SRGAP1: variants seen among roughly 807,000 people sequenced by gnomAD.
The protein encoded by SRGAP1 is SLIT-ROBO Rho GTPase-activating protein 1.
Under a neutral mutation model 121.9 loss-of-function variants are expected in SRGAP1, and 43 were observed. The ratio of observed to expected loss-of-function variants is 0.35; its 90% CI spans 0.28 to 0.46. SRGAP1 has a LOEUF of 0.46. Ranked by LOEUF, SRGAP1 falls within the 20% of genes least tolerant of loss-of-function variation. The pLI is 1.00. For synonymous variants in SRGAP1, 447 were observed against 485.4 expected, an observed-to-expected ratio of 0.92 and a Z score of 1.04; for missense variants, 1,102 against 1,350.9, an observed-to-expected ratio of 0.82 and a Z score of 2.89.
intron 4 of SRGAP1, among the ~76,000 whole-genome samples, chr12:64,019,879 G>C (rs2034501042): frequency 6.6e-6 from 1 of 152,128 alleles, no homozygotes; most frequent in African/African-American, 2.4e-5. Context: ...GAAGTAACAG[G>C]CATAAAATAC....
chr12:64,024,016 G>C (rs2034602946), intron 4 of SRGAP1, among the ~76,000 whole-genome samples: 1 of 152,204 alleles, frequency 6.6e-6, no homozygotes, highest in African/African-American at 2.4e-5. Context: ...TGAGCTAAAA[G>C]AATCAGTAAA....
intron 6 of SRGAP1, among the ~76,000 whole-genome samples, chr12:64,049,438 A>T (rs2035195691): frequency 6.6e-6 from 1 of 152,226 alleles, no homozygotes; most frequent in Admixed American, 6.5e-5. Context: ...TTCACATGGC[A>T]GCACGAAAGA....
rs2037049871 is a variant in SRGAP1, at chr12:64,146,278, A to G, written c.*3606A>G. On this transcript the variant is annotated 3_prime_UTR_variant, in exon 22 of 22. Coordinates refer to ENST00000355086, the MANE Select transcript of SRGAP1 (RefSeq NM_020762.4). The stretch of plus-strand genomic sequence containing the variant: ...GAATAATTTATAGCAGGGTCCCACA[A>G]TCTACTGCAATGATCGTGAACAGTT... The G allele has an allele frequency of 6.6e-6, 1 of 152,154 alleles. No individual in the cohort carries two copies. Among genetic ancestry groups the G allele is most frequent in the Non-Finnish European group, 1.5e-5 (1 of 68,036 alleles). 9.4% of individuals were successfully genotyped at this position (152,154 alleles called of 1,614,324 possible).
Position 64,147,556 on chromosome 12 carries a change from C to T in SRGAP1, c.*4884C>T. On this transcript the variant is annotated 3_prime_UTR_variant, in exon 22 of 22. Transcript: ENST00000355086. ...CTTTCTCACCCCTGTGTCCTCCCAT[C>T]CCACCGCATCAGTCCCCCGCTCATG... The T allele has an allele frequency of 2.5e-6, 1 of 399,026 alleles. No homozygotes were observed. Among genetic ancestry groups the T allele is most frequent in the Non-Finnish European group, 4.4e-6 (1 of 226,352 alleles). The allele number at this position is 399,026 out of a possible 1,614,324, so 24.7% of individuals were successfully genotyped here.
intron 4 of SRGAP1, among the ~76,000 whole-genome samples, chr12:64,018,610 T>C (rs1254348814): frequency 6.6e-6 from 1 of 152,254 alleles, no homozygotes; most frequent in East Asian, 1.9e-4. Flanking sequence ...ATGTGTGTGA[T>C]AAATCTATTT....
At chr12:63,924,586 G>T (rs1465359139) in intron 1 of SRGAP1, among the ~76,000 whole-genome samples, 1 of 152,186 alleles carries the variant, frequency 6.6e-6, no homozygotes, top group Non-Finnish European at 1.5e-5. Context: ...ACAATAAAAA[G>T]AATACAGGAA....
chr12:63,880,871 T>C (rs73126646), intron 1 of SRGAP1, among the ~76,000 whole-genome samples: 7,322 of 152,292 alleles, frequency 0.048, 273 homozygotes, highest in Middle Eastern at 0.14. Context: ...GAAAATGTAC[T>C]GATGTGTGAA....
rs962432559 is a variant in SRGAP1, at chr12:64,041,489, A to G, written c.490-1301A>G. On this transcript the variant is annotated intron_variant, in intron 4 of 21. Transcript: ENST00000355086. ...CACTTCCACCTCCCGGGCTCAACCA[A>G]TCCCCTCGCCCCAGCCTCCCAAGTA... 1.8e-4 allele frequency among the ~76,000 whole-genome samples: 27 copies of G among 151,858 alleles called. 1 individual carries two copies. Among genetic ancestry groups the G allele is most frequent in the African/African-American group, 5.6e-4 (23 of 41,430 alleles).
intron 1 of SRGAP1, among the ~76,000 whole-genome samples, chr12:63,959,639 A>G (rs1451534275): frequency 1.3e-5 from 2 of 152,028 alleles, no homozygotes; most frequent in Non-Finnish European, 2.9e-5. Flanking sequence ...AATAAACAGT[A>G]TGTTTTTCTG....
At chr12:63,968,976 G>A (rs1592991607) in intron 1 of SRGAP1, among the ~76,000 whole-genome samples, 1 of 152,132 alleles carries the variant, frequency 6.6e-6, no homozygotes, top group East Asian at 1.9e-4. Context: ...CCTGTGAGTA[G>A]TGTGGGTCCC....
chr12:63,916,230 G>A (rs950561066), intron 1 of SRGAP1, among the ~76,000 whole-genome samples: 48 of 151,978 alleles, frequency 3.2e-4, no homozygotes, highest in Middle Eastern at 3.4e-3. Flanking sequence ...TCACCATGTT[G>A]CCCAGGCTGG....
chr12:63,995,357 G>A (rs2033667813), intron 3 of SRGAP1, among the ~76,000 whole-genome samples: 2 of 152,098 alleles, frequency 1.3e-5, no homozygotes, highest in African/African-American at 4.8e-5. Flanking sequence ...CAGAGAACAG[G>A]TATTATATCC....
In SRGAP1 at chr12:64,035,675, C is replaced by T. The variant is rs539410040; in HGVS notation, c.490-7115C>T. Among the ~76,000 whole-genome samples, 3 of 152,200 alleles carry T rather than the reference C, an allele frequency of 2.0e-5. No individual in the cohort carries two copies. The South Asian group carries it at 6.2e-4, about 32-fold the overall frequency. ...TTTTATAAATGTGTGTCTTTGCAGT[C>T]GCCTCCAAGGCCATCCTTACTGATA... On this transcript the variant is annotated intron_variant, in intron 4 of 21. Coordinates refer to ENST00000355086, the MANE Select transcript of SRGAP1 (RefSeq NM_020762.4).
chr12:64,067,603 A>G (rs1219937452), intron 8 of SRGAP1, among the ~76,000 whole-genome samples: 1 of 152,116 alleles, frequency 6.6e-6, no homozygotes, highest in African/African-American at 2.4e-5. Flanking sequence ...TGGGATTCCC[A>G]AAGAAAGTAA....
intron 4 of SRGAP1, chr12:64,032,419 A>G (rs7299597): frequency 0.39 from 245,222 of 622,412 alleles, 51,320 homozygotes; most frequent in Non-Finnish European, 0.45. Flanking sequence ...CATCAGTCAG[A>G]TCTCTGGGCT....
intron 6 of SRGAP1, among the ~76,000 whole-genome samples, chr12:64,049,774 A>G (rs1171495723): frequency 6.6e-6 from 1 of 152,068 alleles, no homozygotes; most frequent in Non-Finnish European, 1.5e-5. Flanking sequence ...TTTTGTTACT[A>G]TGGCTGTCTT....
intron 1 of SRGAP1, among the ~76,000 whole-genome samples, chr12:63,919,034 G>T (rs76284724): frequency 1.3e-5 from 2 of 151,828 alleles, no homozygotes; most frequent in Non-Finnish European, 1.5e-5. Flanking sequence ...TTGGGGAGGG[G>T]TGTTTTTTGT....
intron 4 of SRGAP1, among the ~76,000 whole-genome samples, chr12:64,025,777 ACT>A (rs1306786034): frequency 1.1e-4 from 16 of 151,998 alleles, no homozygotes; most frequent in South Asian, 2.1e-4. Flanking sequence ...GGGTCATGTG[ACT>A]CTCTGTGAGC....
chr12:64,016,673 C>T (rs529541984), intron 3 of SRGAP1, among the ~76,000 whole-genome samples: 26 of 152,238 alleles, frequency 1.7e-4, no homozygotes, highest in Middle Eastern at 3.4e-3. Context: ...GCAAGCATGA[C>T]GCTTCAACCT....
Sources: gnomAD v4.1 joint callset for allele counts (sites outside exome capture counted in the v4.1 genomes callset) on GRCh38, gnomAD v4.1.1 for gene constraint, MANE v1.5 for transcripts, NCBI Gene and HGNC (gene_info 2026-07-23, HGNC 2026-07-21) for gene names.